The following LRRC4C variants were observed in gnomAD, a reference collection of about 807,000 sequenced individuals.
The protein encoded by LRRC4C is leucine-rich repeat-containing protein 4C.
LRRC4C carries 5 observed loss-of-function variants against 33.6 expected under a neutral mutation model. The ratio of observed to expected loss-of-function variants is 0.15; its 90% confidence interval spans 0.08 to 0.31. The LOEUF is 0.31. Among genes scored for constraint, LRRC4C ranks in the 10% least tolerant of loss-of-function variants. The pLI, the probability that LRRC4C is intolerant of heterozygous loss-of-function variation, is 1.00. For synonymous variants in LRRC4C, 329 were observed against 302.0 expected (o/e 1.09, Z -0.93); for missense variants, 560 against 796.7 (o/e 0.70, Z 3.58).
In LRRC4C at chr11:41,360,369, G is replaced by T. The variant is rs546218063; in HGVS notation, c.-496+99062C>A. ...TATGATTTATCTATCCATAGCCCAA[G>T]AATTTACAAGGGTCTTTGAAAAAAA... On this transcript the variant is annotated intron_variant, in intron 1 of 6. Coordinates refer to ENST00000528697, the MANE Select transcript of LRRC4C (RefSeq NM_001258419.2). Among the ~76,000 whole-genome samples, 4 of 151,824 alleles carry T rather than the reference G, an allele frequency of 2.6e-5. No homozygotes were observed. In the East Asian group the frequency reaches 7.7e-4, roughly 29 times the overall value.
chr11:40,649,878 A>G (rs1457563324), intron 2 of LRRC4C, among the ~76,000 whole-genome samples: 1 of 152,194 alleles, frequency 6.6e-6, no homozygotes, highest in African/African-American at 2.4e-5. Flanking sequence ...AGGGTCCCTG[A>G]CTTCCCACAA....
chr11:41,362,917 T>A (rs951964574), intron 1 of LRRC4C, among the ~76,000 whole-genome samples: 1 of 152,154 alleles, frequency 6.6e-6, no homozygotes, highest in Non-Finnish European at 1.5e-5. Context: ...TTCTGCAGTA[T>A]AATCTCCTCA....
At chr11:40,336,624 A>G (rs1342031496) in intron 3 of LRRC4C, among the ~76,000 whole-genome samples, 1 of 152,172 alleles carries the variant, frequency 6.6e-6, no homozygotes, top group Non-Finnish European at 1.5e-5. Context: ...ATGTAGAGAG[A>G]GTCAGCAGAC....
chr11:40,301,819 C>A (rs933684976), intron 4 of LRRC4C, among the ~76,000 whole-genome samples: 5 of 152,166 alleles, frequency 3.3e-5, no homozygotes, highest in Non-Finnish European at 5.9e-5. Flanking sequence ...TAATGTTAAA[C>A]AATTTGCATT....
intron 3 of LRRC4C, among the ~76,000 whole-genome samples, chr11:40,381,367 T>G (rs2137348867): frequency 6.6e-6 from 1 of 152,306 alleles, no homozygotes; most frequent in South Asian, 2.1e-4. Context: ...TTATATTCTA[T>G]AATTCTGCCC....
chr11:41,105,868 A>C (rs1165379163), intron 1 of LRRC4C, among the ~76,000 whole-genome samples: 3 of 152,136 alleles, frequency 2.0e-5, no homozygotes, highest in Non-Finnish European at 4.4e-5. Flanking sequence ...TATTATAACA[A>C]AATAATAAAG....
chr11:40,560,147 C>A (rs368032587), intron 3 of LRRC4C, among the ~76,000 whole-genome samples: 1 of 152,100 alleles, frequency 6.6e-6, no homozygotes, highest in African/African-American at 2.4e-5. Flanking sequence ...ATATTCTCAT[C>A]GTTTAGGTGT....
chr11:40,196,021 G>A (rs754347875), intron 5 of LRRC4C, among the ~76,000 whole-genome samples: 3 of 152,162 alleles, frequency 2.0e-5, no homozygotes, highest in Admixed American at 6.5e-5. Context: ...CATAGGAATC[G>A]TAAAGCTTAA....
chr11:40,173,764 A>G (rs1860242699), intron 5 of LRRC4C, among the ~76,000 whole-genome samples: 2 of 152,232 alleles, frequency 1.3e-5, no homozygotes, highest in African/African-American at 4.8e-5. Context: ...AAAATAGTAC[A>G]TAGTTTCTGT....
chr11:41,140,488 G>A (rs1445642032), intron 1 of LRRC4C, among the ~76,000 whole-genome samples: 2 of 135,006 alleles, frequency 1.5e-5, no homozygotes, highest in Non-Finnish European at 3.4e-5. Context: ...CTTCCCCAAG[G>A]TCCCTGAACT....
At chr11:41,112,885 T>C (rs1941918455) in intron 1 of LRRC4C, among the ~76,000 whole-genome samples, 1 of 152,020 alleles carries the variant, frequency 6.6e-6, no homozygotes, top group East Asian at 1.9e-4. Context: ...ACAAAAAACA[T>C]ATATGAGTAG....
intron 2 of LRRC4C, among the ~76,000 whole-genome samples, chr11:40,744,783 G>A (rs1948333708): frequency 6.6e-6 from 1 of 152,124 alleles, no homozygotes; most frequent in Non-Finnish European, 1.5e-5. Context: ...CTATTTGACA[G>A]CAAAGTCCAT....
chr11:41,276,992 A>T (rs1047074146), intron 1 of LRRC4C, among the ~76,000 whole-genome samples: 1 of 152,194 alleles, frequency 6.6e-6, no homozygotes, highest in African/African-American at 2.4e-5. Context: ...TAAGCCACTA[A>T]GTTTGCGGTA....
At chr11:40,259,418 A>G (rs546217981) in intron 4 of LRRC4C, among the ~76,000 whole-genome samples, 1 of 152,198 alleles carries the variant, frequency 6.6e-6, no homozygotes, top group South Asian at 2.1e-4. Context: ...TAGTTTAATT[A>G]GATCCCATTT....
chr11:40,466,155 C>T (rs1383415244), intron 3 of LRRC4C, among the ~76,000 whole-genome samples: 1 of 151,948 alleles, frequency 6.6e-6, no homozygotes, highest in Non-Finnish European at 1.5e-5. Flanking sequence ...AGTGAAACAA[C>T]TCAAAAACAG....
At chr11:41,109,030 T>C (rs961150722) in intron 1 of LRRC4C, among the ~76,000 whole-genome samples, 1 of 152,076 alleles carries the variant, frequency 6.6e-6, no homozygotes, top group Non-Finnish European at 1.5e-5. Context: ...TGTGACATTT[T>C]CCATTCTATA....
intron 3 of LRRC4C, among the ~76,000 whole-genome samples, chr11:40,386,052 GAAAAT>G (rs1442966279): frequency 1.4e-5 from 2 of 146,006 alleles, no homozygotes; most frequent in African/African-American, 2.5e-5. Context: ...AATAAAAGTT[GAAAAT>G]AAAATAAAAT....
chr11:41,042,876 T>C (rs904449269), intron 1 of LRRC4C, among the ~76,000 whole-genome samples: 1 of 152,048 alleles, frequency 6.6e-6, no homozygotes, highest in Non-Finnish European at 1.5e-5. Context: ...CCCTACCACA[T>C]GGAAAGACAT....
At chr11:41,325,571 T>C (rs1269321126) in intron 1 of LRRC4C, among the ~76,000 whole-genome samples, 1 of 84,614 alleles carries the variant, frequency 1.2e-5, no homozygotes, top group African/African-American at 3.8e-5. Flanking sequence ...TTATAGTTTT[T>C]TTTTTTTGTG....
Sources: allele counts gnomAD v4.1 joint callset (sites outside exome capture counted in the v4.1 genomes callset), GRCh38; gene constraint gnomAD v4.1.1; transcripts MANE v1.5; gene names NCBI Gene and HGNC (gene_info 2026-07-23, HGNC 2026-07-21).